The following DPP6 variants were observed in gnomAD, a reference collection of about 807,000 sequenced individuals.
DPP6 encodes dipeptidyl peptidase like 6.
Under a neutral mutation model 122.6 loss-of-function variants are expected in DPP6, and 69 were observed. The observed-to-expected ratio is 0.56, with a 90% CI of 0.46 to 0.69. The LOEUF (loss-of-function observed/expected upper bound fraction) is 0.69. Ranked by LOEUF, DPP6 falls within the 30% of genes least tolerant of loss-of-function variation. The probability of loss-of-function intolerance (pLI) is 0.00; values close to 1 mark genes in which losing one functional copy is unlikely to be tolerated. For missense variants in DPP6, 928 were observed against 1,116.9 expected, an observed-to-expected ratio of 0.83 and a Z score of 2.41; for synonymous variants, 418 against 433.1, an observed-to-expected ratio of 0.97 and a Z score of 0.43.
intron 1 of DPP6, among the ~76,000 whole-genome samples, chr7:154,140,066 G>C (rs1344390770): frequency 3.3e-5 from 5 of 152,186 alleles, no homozygotes; most frequent in Non-Finnish European, 5.9e-5. Context: ...CTGATGGGGG[G>C]TAGCTGCTCA....
chr7:154,279,977 C>A (rs1025696250), intron 1 of DPP6, among the ~76,000 whole-genome samples: 1 of 152,218 alleles, frequency 6.6e-6, no homozygotes, highest in South Asian at 2.1e-4. Flanking sequence ...CTATTCAGGG[C>A]TTATTAGGAT....
At chr7:153,782,036 A>G in the DPP6 span, among the ~76,000 whole-genome samples, 41 of 144,372 alleles carry the variant, frequency 2.8e-4, no homozygotes, top group African/African-American at 7.5e-4. Flanking sequence ...TGACTATTCA[A>G]TCTACAAGGA....
chr7:154,716,127 T>G (rs1841469593), intron 7 of DPP6, among the ~76,000 whole-genome samples: 1 of 152,142 alleles, frequency 6.6e-6, no homozygotes, highest in Non-Finnish European at 1.5e-5. Context: ...CCTCCCCACC[T>G]CCAGACTTCT....
the DPP6 span, among the ~76,000 whole-genome samples, chr7:153,871,380 C>T: frequency 6.6e-6 from 1 of 152,198 alleles, no homozygotes; most frequent in Non-Finnish European, 1.5e-5. Flanking sequence ...CTCACTGCCA[C>T]CTTGCAGTTT....
At chr7:154,598,770 T>A (rs1447154269) in intron 5 of DPP6, among the ~76,000 whole-genome samples, 1 of 152,226 alleles carries the variant, frequency 6.6e-6, no homozygotes, top group African/African-American at 2.4e-5. Context: ...CATCTTGAAG[T>A]GTGCAAGGAG....
intron 1 of DPP6, among the ~76,000 whole-genome samples, chr7:154,436,287 G>T (rs966028072): frequency 3.3e-5 from 5 of 151,302 alleles, no homozygotes; most frequent in African/African-American, 9.8e-5. Context: ...GGTTACAACC[G>T]CTCCATTGCA....
chr7:154,676,250 C>T (rs996283902), intron 7 of DPP6, among the ~76,000 whole-genome samples: 3 of 149,546 alleles, frequency 2.0e-5, no homozygotes, highest in Non-Finnish European at 4.5e-5. Context: ...ACAGGTGTTC[C>T]GGGCTGCGGC....
intron 1 of DPP6, among the ~76,000 whole-genome samples, chr7:154,165,455 C>T (rs13242379): frequency 0.59 from 87,397 of 148,680 alleles, 28,541 homozygotes; most frequent in East Asian, 0.92. Flanking sequence ...TGAATAATGC[C>T]TCAATAAACA....
chr7:154,002,403 G>A (rs1797728810), intron 1 of DPP6, among the ~76,000 whole-genome samples: 1 of 152,130 alleles, frequency 6.6e-6, no homozygotes, highest in South Asian at 2.1e-4. Flanking sequence ...GGTCTTCATT[G>A]CTCAACCTTA....
At chr7:154,195,502 C>T (rs905018383) in intron 1 of DPP6, among the ~76,000 whole-genome samples, 2 of 152,124 alleles carry the variant, frequency 1.3e-5, no homozygotes, top group Non-Finnish European at 2.9e-5. Context: ...TGGCCGGCAG[C>T]CTGTTGGGTA....
intron 1 of DPP6, among the ~76,000 whole-genome samples, chr7:154,219,064 T>A (rs1167134260): frequency 6.6e-6 from 1 of 152,242 alleles, no homozygotes; most frequent in African/African-American, 2.4e-5. Context: ...TCTATCATTC[T>A]GAAATTTTAC....
At chr7:154,248,389 A>C (rs1200671732) in intron 1 of DPP6, among the ~76,000 whole-genome samples, 1 of 152,070 alleles carries the variant, frequency 6.6e-6, no homozygotes, top group Non-Finnish European at 1.5e-5. Context: ...TCTGTAATTC[A>C]GTATGTAAGA....
At chr7:153,879,296 G>A in the DPP6 span, among the ~76,000 whole-genome samples, 1,486 of 152,278 alleles carry the variant, frequency 9.8e-3, 31 homozygotes, top group African/African-American at 0.034. Context: ...TAATTGTGTG[G>A]ATGCTGGGGG....
intron 1 of DPP6, among the ~76,000 whole-genome samples, chr7:154,344,211 C>T (rs1049384641): frequency 1.3e-5 from 2 of 152,172 alleles, no homozygotes; most frequent in South Asian, 2.1e-4. Flanking sequence ...TTCCCAAGCA[C>T]ACCCTCACGT....
chr7:154,355,065 A>G (rs1463114181), intron 1 of DPP6, among the ~76,000 whole-genome samples: 3 of 152,216 alleles, frequency 2.0e-5, no homozygotes, highest in Admixed American at 1.3e-4. Context: ...CCATTCTGGT[A>G]GGATCCCATT....
At chr7:153,793,619 T>A in the DPP6 span, among the ~76,000 whole-genome samples, 2 of 150,828 alleles carry the variant, frequency 1.3e-5, no homozygotes, top group African/African-American at 4.9e-5. Context: ...TGTGCATAAG[T>A]AATGAGGAAC....
intron 1 of DPP6, among the ~76,000 whole-genome samples, chr7:154,127,674 C>CACACACAT (rs1244574560): frequency 1.1e-4 from 16 of 148,034 alleles, no homozygotes; most frequent in African/African-American, 3.8e-4. Flanking sequence ...CACACACACA[C>CACACACAT]ACAAAACAGC....
At chr7:153,759,971 ATC>A in the DPP6 span, among the ~76,000 whole-genome samples, 1,289 of 135,518 alleles carry the variant, frequency 9.5e-3, 5 homozygotes, top group African/African-American at 0.021. Flanking sequence ...CTGTTTCTGT[ATC>A]TCTCTCTCTC....
chr7:154,284,096 G>A (rs534451921), intron 1 of DPP6, among the ~76,000 whole-genome samples: 1 of 152,200 alleles, frequency 6.6e-6, no homozygotes, highest in South Asian at 2.1e-4. Context: ...AGGGGGAGCT[G>A]CCTCATCATG....
Sources: allele counts gnomAD v4.1 joint callset (sites outside exome capture counted in the v4.1 genomes callset), GRCh38; gene constraint gnomAD v4.1.1; transcripts MANE v1.5; gene names NCBI Gene and HGNC (gene_info 2026-07-23, HGNC 2026-07-21).